Variants in EPHA6 observed in about 807,000 individuals in gnomAD.
EPHA6 encodes EPH receptor A6, also known as ephrin type-A receptor 6.
EPHA6 carries 50 observed loss-of-function variants against 112.0 expected under a neutral mutation model. The observed-to-expected ratio is 0.45, with a 90% CI of 0.36 to 0.56. EPHA6 has a LOEUF of 0.56. Ranked by LOEUF, EPHA6 falls within the 20% of genes least tolerant of loss-of-function variation. The pLI, the probability that EPHA6 is intolerant of heterozygous loss-of-function variation, is 0.00. For missense variants in EPHA6, 1,280 were observed against 1,417.4 expected (o/e 0.90, Z 1.56); for synonymous variants, 529 against 490.7 (o/e 1.08, Z -1.03).
chr3:97,437,341 C>T (rs989517863), intron 6 of EPHA6, among the ~76,000 whole-genome samples: 19 of 152,138 alleles, frequency 1.2e-4, no homozygotes, highest in African/African-American at 4.6e-4. Flanking sequence ...AAGGACCATG[C>T]ACATGTTGCC....
intron 10 of EPHA6, among the ~76,000 whole-genome samples, chr3:97,525,813 C>A (rs866143071): frequency 3.3e-5 from 5 of 152,138 alleles, no homozygotes; most frequent in South Asian, 2.1e-4. Context: ...GGTTTCTGGG[C>A]AGACTGAACT....
Position 96,987,413 on chromosome 3 carries a change from C to T in EPHA6, c.534C>T (p.Asn178=), listed in dbSNP as rs1302250269. 6.2e-7 allele frequency: 1 copy of T among 1,613,864 alleles called. No homozygotes were observed. Among genetic ancestry groups the T allele is most frequent in the East Asian group, 2.2e-5 (1 of 44,882 alleles). Residue 178 remains asparagine (N), a synonymous_variant, in exon 3 of 18, where the codon AAC becomes AAT. Transcript: ENST00000389672. ...QVCNVMEPNQ[N]NWLRTNWISR... ...GTAATGTAATGGAACCAAACCAAAACAACTGGCTTCGTACAAACTGGATCT... is the reference window on the plus strand; with the variant it reads ...GTAATGTAATGGAACCAAACCAAAATAACTGGCTTCGTACAAACTGGATCT...
At chr3:97,276,423 G>A (rs913122161) in intron 5 of EPHA6, among the ~76,000 whole-genome samples, 1 of 152,106 alleles carries the variant, frequency 6.6e-6, no homozygotes, top group African/African-American at 2.4e-5. Flanking sequence ...TGGCTCGGTG[G>A]CCAGATTTCC....
intron 10 of EPHA6, among the ~76,000 whole-genome samples, chr3:97,531,398 C>G (rs2092693199): frequency 6.6e-6 from 1 of 152,004 alleles, no homozygotes; most frequent in Non-Finnish European, 1.5e-5. Context: ...ATTCTCTCTA[C>G]TGTTTCTGGA....
intron 2 of EPHA6, among the ~76,000 whole-genome samples, chr3:96,952,939 T>C (rs1172390917): frequency 6.6e-6 from 1 of 152,030 alleles, no homozygotes; most frequent in Non-Finnish European, 1.5e-5. Context: ...GGTGATGAAA[T>C]AATCTGTTCA....
At chr3:97,267,275 C>A (rs921917219) in intron 5 of EPHA6, among the ~76,000 whole-genome samples, 1 of 151,904 alleles carries the variant, frequency 6.6e-6, no homozygotes, top group Non-Finnish European at 1.5e-5. Flanking sequence ...GGTGGGAAAT[C>A]TCTTAATGCT....
intron 3 of EPHA6, among the ~76,000 whole-genome samples, chr3:97,139,859 A>T (rs1474732578): frequency 6.6e-6 from 1 of 152,194 alleles, no homozygotes; most frequent in Admixed American, 6.5e-5. Flanking sequence ...ATGACAACGA[A>T]TTCCAAATAT....
intron 2 of EPHA6, among the ~76,000 whole-genome samples, chr3:96,969,149 A>G (rs1419205028): frequency 6.6e-6 from 1 of 151,964 alleles, no homozygotes; most frequent in Non-Finnish European, 1.5e-5. Context: ...AATCAGCACC[A>G]TGGAATTATC....
At chr3:97,085,451 A>G (rs1044467234) in intron 3 of EPHA6, among the ~76,000 whole-genome samples, 3 of 152,162 alleles carry the variant, frequency 2.0e-5, no homozygotes, top group Admixed American at 6.6e-5. Flanking sequence ...TGCACAATGA[A>G]GATCCTATGT....
At chr3:97,216,657 A>G (rs926899539) in intron 3 of EPHA6, among the ~76,000 whole-genome samples, 4 of 152,168 alleles carry the variant, frequency 2.6e-5, no homozygotes, top group African/African-American at 9.7e-5. Flanking sequence ...ACTGCCAAAC[A>G]GTTCTCTAAA....
chr3:97,185,610 T>C (rs1378199852), intron 3 of EPHA6, among the ~76,000 whole-genome samples: 1 of 152,042 alleles, frequency 6.6e-6, no homozygotes, highest in Non-Finnish European at 1.5e-5. Context: ...TTTACACTGT[T>C]GGTGGGAATG....
At chr3:97,580,336 T>C (rs747393036) in intron 11 of EPHA6, among the ~76,000 whole-genome samples, 1 of 152,212 alleles carries the variant, frequency 6.6e-6, no homozygotes, top group Non-Finnish European at 1.5e-5. Flanking sequence ...CAAGCCAATG[T>C]TTAAAATTAA....
intron 11 of EPHA6, among the ~76,000 whole-genome samples, chr3:97,546,433 A>C (rs199680608): frequency 3.3e-5 from 5 of 152,156 alleles, no homozygotes; most frequent in Admixed American, 3.3e-4. Flanking sequence ...CAGAGAGATC[A>C]GCTGTTAGTC....
Position 97,201,501 on chromosome 3 carries a change from G to T in EPHA6, c.1115-24763G>T, listed in dbSNP as rs189363440. ...TTTATCCTGTAAGCAATTTTTGCAG[G>T]TCACCTGATTCACATTAGCTAATCT... On this transcript the variant is annotated intron_variant, in intron 3 of 17. Coordinates refer to ENST00000389672, the MANE Select transcript of EPHA6 (RefSeq NM_001080448.3). Among the ~76,000 whole-genome samples the T allele has an allele frequency of 3.0e-3, 455 of 152,066 alleles. 4 individuals carry two copies. The highest frequency in any genetic ancestry group is 2.6e-3 in the Non-Finnish European group (175 of 67,970).
At chr3:97,105,223 G>T (rs2047529165) in intron 3 of EPHA6, among the ~76,000 whole-genome samples, 2 of 151,878 alleles carry the variant, frequency 1.3e-5, no homozygotes, top group Non-Finnish European at 2.9e-5. Context: ...GGTTATGTTA[G>T]GTGGTTAATT....
intron 11 of EPHA6, among the ~76,000 whole-genome samples, chr3:97,580,257 A>G (rs1328787198): frequency 2.6e-5 from 4 of 152,216 alleles, no homozygotes; most frequent in Non-Finnish European, 4.4e-5. Context: ...CACTGTCACT[A>G]TATCTAAGAA....
intron 3 of EPHA6, among the ~76,000 whole-genome samples, chr3:97,105,078 TA>T (rs200846174): frequency 4.2e-4 from 64 of 150,872 alleles, no homozygotes; most frequent in Admixed American, 1.3e-3. Flanking sequence ...TCTTATTCAT[TA>T]AAAAAAAACT....
At chr3:97,678,666 T>G (rs777540054) in intron 14 of EPHA6, among the ~76,000 whole-genome samples, 21 of 152,196 alleles carry the variant, frequency 1.4e-4, no homozygotes, top group Non-Finnish European at 2.4e-4. Flanking sequence ...AGGTAAAGTC[T>G]TCTGTATGAT....
At position 97,748,716 on chromosome 3, in the gene EPHA6, C is replaced by A. The variant is rs1394132919; in HGVS notation, c.*15C>A. The A allele has an allele frequency of 2.9e-6, 4 of 1,398,610 alleles. No homozygotes were observed. Among genetic ancestry groups the A allele is most frequent in the Admixed American group, 3.4e-5 (2 of 59,108 alleles). 86.6% of individuals were successfully genotyped at this position (1,398,610 alleles called of 1,614,324 possible). On this transcript the variant is annotated 3_prime_UTR_variant, in exon 18 of 18. Transcript: ENST00000389672. ...TTCATGTATGAAAGTACCACAAGCA[C>A]CTGTGTTTTGTGCCTCAGCATTTCT... is the stretch of plus-strand genomic sequence containing the variant.
Sources: gnomAD v4.1 joint callset for allele counts (sites outside exome capture counted in the v4.1 genomes callset) on GRCh38, gnomAD v4.1.1 for gene constraint, MANE v1.5 for transcripts, NCBI Gene and HGNC (gene_info 2026-07-23, HGNC 2026-07-21) for gene names.